PALB2: variants seen among roughly 807,000 people sequenced by gnomAD.
The protein encoded by PALB2 is mutant partner and localizer of BRCA2.
A neutral mutation model predicts 107.4 loss-of-function variants in PALB2; 82 were observed. The ratio of observed to expected loss-of-function variants is 0.76; its 90% CI spans 0.64 to 0.92. The LOEUF (loss-of-function observed/expected upper bound fraction) is 0.92. PALB2 is among the 40% of genes least tolerant of loss of function. PALB2 has a pLI of 0.00. For missense variants in PALB2, 1,374 were observed against 1,379.9 expected (o/e 1.00, Z 0.07); for synonymous variants, 489 against 496.8 (o/e 0.98, Z 0.21).
chr16:23,617,151 C>CA (rs1966698638), intron 10 of PALB2, among the ~76,000 whole-genome samples: 2 of 151,708 alleles, frequency 1.3e-5, no homozygotes, highest in African/African-American at 4.8e-5. Context: ...GCATAGTTTC[C>CA]AAAAAAAGCC....
At chr16:23,640,675 C>A in intron 1 of PALB2, 1 of 251,232 alleles carries the variant, frequency 4.0e-6, no homozygotes, top group Non-Finnish European at 7.8e-6. Context: ...TATGAACATT[C>A]CCTTCTCCAA....
intron 1 of PALB2, chr16:23,638,734 TA>T (rs1967128260): frequency 8.5e-6 from 3 of 351,330 alleles, no homozygotes; most frequent in Non-Finnish European, 1.7e-5. Context: ...AATACACAGA[TA>T]AACAGAGTGA....
intron 11 of PALB2, among the ~76,000 whole-genome samples, chr16:23,611,730 T>C (rs899333646): frequency 6.6e-6 from 1 of 152,184 alleles, no homozygotes; most frequent in Non-Finnish European, 1.5e-5. Context: ...AGTGTTGAGA[T>C]TACAGGCGTG....
chr16:23,629,085 T>TTG, intron 6 of PALB2, 119 bp downstream of exon 6: 1 of 797,852 alleles, frequency 1.3e-6, no homozygotes, highest in Non-Finnish European at 2.1e-6. Flanking sequence ...TTTCTGAATC[T>TTG]GTTTACCAAT....
chr16:23,639,542 G>A (rs557877910), intron 1 of PALB2, among the ~76,000 whole-genome samples: 4 of 142,758 alleles, frequency 2.8e-5, no homozygotes, highest in Admixed American at 7.3e-5. Flanking sequence ...AAAAAAGGCC[G>A]GGTGCAGTGG....
At chr16:23,609,064 G>T (rs1270277671) in intron 11 of PALB2, among the ~76,000 whole-genome samples, 1 of 152,080 alleles carries the variant, frequency 6.6e-6, no homozygotes, top group Non-Finnish European at 1.5e-5. Flanking sequence ...CTGACCTTGT[G>T]ATCCACCCAC....
intron 1 of PALB2, chr16:23,640,900 G>A: frequency 3.3e-6 from 2 of 607,620 alleles, no homozygotes; most frequent in South Asian, 4.1e-5. Flanking sequence ...TTAATGCGCT[G>A]CTACTGTAAT....
At chr16:23,622,791 T>A (rs561835475) in intron 9 of PALB2, among the ~76,000 whole-genome samples, 178 bp downstream of exon 9, 1 of 152,312 alleles carries the variant, frequency 6.6e-6, no homozygotes, top group South Asian at 2.1e-4. Flanking sequence ...ATCCCTGACA[T>A]GTCTGGCTTC....
chr16:23,621,297 G>A, intron 10 of PALB2, 65 bp downstream of exon 10: 2 of 1,055,382 alleles, frequency 1.9e-6, no homozygotes, highest in Non-Finnish European at 3.0e-6. Context: ...CAACAACCCT[G>A]TAAAATTAGA....
In PALB2 at chr16:23,629,739, G is replaced by T. The variant is rs756996540; in HGVS notation, c.2415C>A (p.Val805=). Residue 805 remains valine, a synonymous_variant, in exon 5 of 13, where the codon GTC becomes GTA. Coordinates refer to ENST00000261584, the MANE Select transcript of PALB2 (RefSeq NM_024675.4). ...CAATGGGTGGAGGTGTTCCTGGCGG[G>T]ACAGAGTCACAGTCACAGGTAGGTT... ...QGQPTCDCDS[V]PPGTPPPIES... 6.2e-7 allele frequency: 1 copy of T among 1,614,216 alleles called. No homozygotes were observed. The highest frequency in any genetic ancestry group is 8.5e-7 in the Non-Finnish European group (1 of 1,180,042).
At chr16:23,619,779 A>G (rs1037183967) in intron 10 of PALB2, among the ~76,000 whole-genome samples, 1 of 151,784 alleles carries the variant, frequency 6.6e-6, no homozygotes, top group Non-Finnish European at 1.5e-5. Flanking sequence ...TGACTTTTAA[A>G]AAATTATTAT....
Position 23,641,208 on chromosome 16 carries a change from C to A in PALB2, c.-51G>T. ...CAGCCGTCGCCGACCCCAGGCCTGC[C>A]GACACCGGGACCCAGTTGGCCCTGG... On this transcript the variant is annotated 5_prime_UTR_variant, in exon 1 of 13. Coordinates refer to ENST00000261584, the MANE Select transcript of PALB2 (RefSeq NM_024675.4). 6.3e-7 allele frequency: 1 copy of A among 1,597,074 alleles called. No homozygotes were observed. Among genetic ancestry groups the A allele is most frequent in the Non-Finnish European group, 8.5e-7 (1 of 1,172,290 alleles).
chr16:23,605,323 C>T (rs2142261931), intron 12 of PALB2, among the ~76,000 whole-genome samples: 1 of 152,294 alleles, frequency 6.6e-6, no homozygotes, highest in South Asian at 2.1e-4. Flanking sequence ...TCAAACAGTG[C>T]AAGCTTCATG....
At position 23,634,942 on chromosome 16, in the gene PALB2, C is replaced by G. The variant is rs1966953852; in HGVS notation, c.1604G>C (p.Ser535Thr). The change falls in exon 4 of 13, where the codon AGC (serine) becomes ACC (threonine). Residue 535 changes from serine to threonine, a missense_variant. Coordinates refer to ENST00000261584, the MANE Select transcript of PALB2 (RefSeq NM_024675.4). Reference protein sequence around the residue: ...DHCEPLLPTSSLSIVNRSKEE... With the variant: ...DHCEPLLPTSTLSIVNRSKEE... ...CTTGGACCTGTTAACAATCGACAGG[C>G]TAGAAGTTGGCAAAAGTGGTTCACA... 6.2e-7 allele frequency: 1 copy of G among 1,614,154 alleles called. No individual in the cohort carries two copies. The highest frequency in any genetic ancestry group is 8.5e-7 in the Non-Finnish European group (1 of 1,180,032).
chr16:23,604,413 A>T (rs145434832), intron 12 of PALB2, among the ~76,000 whole-genome samples: 38 of 152,374 alleles, frequency 2.5e-4, no homozygotes, highest in Middle Eastern at 3.4e-3. Flanking sequence ...AGGTTAAATG[A>T]AACAGTTCCT....
chr16:23,612,023 G>T (rs939634289), intron 11 of PALB2, among the ~76,000 whole-genome samples: 3 of 152,212 alleles, frequency 2.0e-5, no homozygotes, highest in South Asian at 4.1e-4. Context: ...GCTAGGGAAA[G>T]ATGCGGTCTT....
chr16:23,608,604 T>A (rs1196433460), intron 11 of PALB2, among the ~76,000 whole-genome samples: 1 of 152,118 alleles, frequency 6.6e-6, no homozygotes, highest in Non-Finnish European at 1.5e-5. Flanking sequence ...AACAATCTTG[T>A]ACATGGTGGC....
In PALB2 at chr16:23,636,366, T is replaced by C. The variant is rs1967063806; in HGVS notation, c.212-32A>G. ...AGGAAAAAAATGTATATAACTTATA[T>C]TTTTCTTATAAAATAAAACAAAAAA... On this transcript the variant is annotated intron_variant, in intron 3 of 12. Transcript: ENST00000261584. 1.5e-5 allele frequency: 22 copies of C among 1,419,512 alleles called. No homozygotes were observed. The East Asian group carries it at 2.8e-4, about 18-fold the overall frequency. The allele number at this position is 1,419,512 out of a possible 1,614,324, so 87.9% of individuals were successfully genotyped here.
chr16:23,628,966 A>T (rs1966852822), intron 6 of PALB2, among the ~76,000 whole-genome samples: 2 of 152,200 alleles, frequency 1.3e-5, no homozygotes, highest in South Asian at 4.1e-4. Context: ...AAGTTCAGTT[A>T]CTTAGCCTAA....
Sources: allele counts gnomAD v4.1 joint callset (sites outside exome capture counted in the v4.1 genomes callset), GRCh38; gene constraint gnomAD v4.1.1; transcripts MANE v1.5; gene names NCBI Gene and HGNC (gene_info 2026-07-23, HGNC 2026-07-21).